Variants in AFF3 observed in about 807,000 individuals in gnomAD.
The protein encoded by AFF3 is AF4/FMR2 family member 3.
AFF3 carries 32 observed loss-of-function variants against 129.7 expected under a neutral mutation model. That is an observed-to-expected ratio of 0.25 (90% CI 0.19 to 0.33). The LOEUF (loss-of-function observed/expected upper bound fraction) is 0.33, where lower values mean the gene tolerates loss of function less well. Ranked by LOEUF, AFF3 falls within the 10% of genes least tolerant of loss-of-function variation. AFF3 has a pLI of 1.00. For synonymous variants in AFF3, 644 were observed against 635.4 expected, an observed-to-expected ratio of 1.01 and a Z score of -0.20; for missense variants, 1,373 against 1,592.0, an observed-to-expected ratio of 0.86 and a Z score of 2.34.
At chr2:99,590,077 GT>G (rs1678518490) in intron 15 of AFF3, among the ~76,000 whole-genome samples, 1 of 152,234 alleles carries the variant, frequency 6.6e-6, no homozygotes, top group African/African-American at 2.4e-5. Flanking sequence ...GGCCCTACCT[GT>G]GGTGCCCGAG....
chr2:99,814,564 C>G (rs888622117), intron 8 of AFF3, among the ~76,000 whole-genome samples: 3 of 152,130 alleles, frequency 2.0e-5, no homozygotes, highest in African/African-American at 7.2e-5. Context: ...AAACATCCCA[C>G]AAGAAAAAGA....
At chr2:99,562,166 GTT>G (rs1675533217) in intron 20 of AFF3, among the ~76,000 whole-genome samples, 1 of 152,066 alleles carries the variant, frequency 6.6e-6, no homozygotes, top group Non-Finnish European at 1.5e-5. Flanking sequence ...TCTTATTTAG[GTT>G]TTTCTCTGCT....
chr2:99,905,078 G>A (rs923658921), intron 7 of AFF3, among the ~76,000 whole-genome samples: 1 of 152,044 alleles, frequency 6.6e-6, no homozygotes, highest in Non-Finnish European at 1.5e-5. Flanking sequence ...TCCTCCTCCT[G>A]CTCTCTCTAC....
chr2:99,581,473 A>G (rs73964166), intron 17 of AFF3, among the ~76,000 whole-genome samples: 4,540 of 151,746 alleles, frequency 0.03, 172 homozygotes, highest in African/African-American at 0.089. Context: ...AAAGTGTTAC[A>G]CACTGCTCCC....
At chr2:99,742,517 T>C (rs1340709491) in intron 10 of AFF3, among the ~76,000 whole-genome samples, 1 of 152,166 alleles carries the variant, frequency 6.6e-6, no homozygotes, top group African/African-American at 2.4e-5. Context: ...CAGTGAATAT[T>C]ATAGCATGCC....
chr2:99,666,648 T>C (rs1280433501), intron 12 of AFF3, among the ~76,000 whole-genome samples: 3 of 152,214 alleles, frequency 2.0e-5, no homozygotes, highest in African/African-American at 7.2e-5. Flanking sequence ...ATTTATGCTG[T>C]ATATAAGAAA....
intron 4 of AFF3, among the ~76,000 whole-genome samples, chr2:100,076,728 G>A (rs545760635): frequency 6.6e-5 from 10 of 152,150 alleles, no homozygotes; most frequent in African/African-American, 2.2e-4. Flanking sequence ...ACAAGGGACC[G>A]GAACAGTAAA....
At chr2:100,037,819 TA>T (rs2105022222) in intron 4 of AFF3, among the ~76,000 whole-genome samples, 1 of 139,064 alleles carries the variant, frequency 7.2e-6, no homozygotes, top group African/African-American at 2.6e-5. Flanking sequence ...ATAAAATATA[TA>T]AAAATTAATC....
intron 4 of AFF3, among the ~76,000 whole-genome samples, chr2:100,064,125 G>GAAAAC (rs1687529038): frequency 7.4e-6 from 1 of 135,596 alleles, no homozygotes; most frequent in African/African-American, 2.7e-5. Flanking sequence ...GAAAAGAAAA[G>GAAAAC]AAAAGAAATT....
chr2:99,568,432 A>G (rs1341413705), intron 19 of AFF3, among the ~76,000 whole-genome samples: 1 of 152,242 alleles, frequency 6.6e-6, no homozygotes, highest in Non-Finnish European at 1.5e-5. Context: ...GTTTCAGAGA[A>G]AGCATTCATT....
chr2:99,552,653 G>A (rs1466312589), intron 24 of AFF3, among the ~76,000 whole-genome samples: 2 of 152,148 alleles, frequency 1.3e-5, no homozygotes, highest in Non-Finnish European at 2.9e-5. Context: ...GGGATGGGGA[G>A]GTGGCTAGGA....
intron 7 of AFF3, among the ~76,000 whole-genome samples, chr2:99,873,369 T>C (rs1332789568): frequency 6.6e-6 from 1 of 152,224 alleles, no homozygotes; most frequent in African/African-American, 2.4e-5. Flanking sequence ...ATCTATCTAA[T>C]GTATTATCAA....
Position 100,008,712 on chromosome 2 carries a change from C to T in AFF3, c.174+100G>A, listed in dbSNP as rs2104751795. 9 of 1,389,184 alleles carry T rather than the reference C, an allele frequency of 6.5e-6. 2 individuals are homozygous for T. In the South Asian group the frequency reaches 1.3e-4, roughly 20 times the overall value. The allele number at this position is 1,389,184 out of a possible 1,614,324, so 86.1% of individuals were successfully genotyped here. On this transcript the variant is annotated intron_variant, in intron 5 of 24. Transcript: ENST00000672756. Reference sequence around the variant, plus strand: ...CCCTGGGCTGAACAGACAGAAGATGCAGTCAAGTTTGGTCGGCCAATTCTT... The same window carrying T: ...CCCTGGGCTGAACAGACAGAAGATGTAGTCAAGTTTGGTCGGCCAATTCTT...
chr2:99,713,450 G>C (rs1008608756), intron 11 of AFF3, among the ~76,000 whole-genome samples: 6 of 151,690 alleles, frequency 4.0e-5, no homozygotes, highest in African/African-American at 1.5e-4. Flanking sequence ...TGTATTTTTA[G>C]TAGAGATGGG....
intron 12 of AFF3, among the ~76,000 whole-genome samples, chr2:99,666,340 C>T (rs924528106): frequency 8.5e-5 from 13 of 152,092 alleles, no homozygotes; most frequent in Non-Finnish European, 1.9e-4. Context: ...AATGACAGTA[C>T]CAGCGAACTG....
At chr2:99,925,022 C>T (rs549279597) in intron 7 of AFF3, among the ~76,000 whole-genome samples, 11 of 151,690 alleles carry the variant, frequency 7.3e-5, no homozygotes, top group African/African-American at 2.2e-4. Flanking sequence ...ACCACAGGTG[C>T]GCGACATCAT....
intron 8 of AFF3, among the ~76,000 whole-genome samples, chr2:99,786,463 T>A (rs950467779): frequency 6.6e-6 from 1 of 152,164 alleles, no homozygotes; most frequent in Non-Finnish European, 1.5e-5. Context: ...AAAATAAAGT[T>A]CACCTTTAAA....
chr2:99,981,403 T>C (rs1414139470), intron 7 of AFF3, among the ~76,000 whole-genome samples: 1 of 152,214 alleles, frequency 6.6e-6, no homozygotes, highest in Non-Finnish European at 1.5e-5. Flanking sequence ...TACATATTCA[T>C]GCACCCAATC....
chr2:99,758,195 C>T (rs762404829), intron 8 of AFF3, among the ~76,000 whole-genome samples: 1 of 152,214 alleles, frequency 6.6e-6, no homozygotes, highest in Non-Finnish European at 1.5e-5. Context: ...CTTATAGCAT[C>T]CTGATTGGTT....
Sources: gnomAD v4.1 joint callset for allele counts (sites outside exome capture counted in the v4.1 genomes callset) on GRCh38, gnomAD v4.1.1 for gene constraint, MANE v1.5 for transcripts, NCBI Gene and HGNC (gene_info 2026-07-23, HGNC 2026-07-21) for gene names.